Variants in SLC2A14 observed in about 807,000 individuals in gnomAD.
The protein encoded by SLC2A14 is solute carrier family 2, facilitated glucose transporter member 14.
In SLC2A14, 13 loss-of-function variants were observed where a neutral mutation model predicts 43.0. The observed-to-expected ratio is 0.30, with a 90% CI of 0.20 to 0.48. The LOEUF is 0.48. Ranked by LOEUF, SLC2A14 falls within the 20% of genes least tolerant of loss-of-function variation. The pLI is 0.99. For missense variants in SLC2A14, 428 were observed against 620.4 expected (o/e 0.69, Z 3.29); for synonymous variants, 190 against 233.8 (o/e 0.81, Z 1.71).
chr12:7,869,628 T>C (rs760962374), intron 2 of SLC2A14, among the ~76,000 whole-genome samples: 25 of 152,308 alleles, frequency 1.6e-4, no homozygotes, highest in Middle Eastern at 3.4e-3. Flanking sequence ...TCATTCGTCT[T>C]GTTCTTGATA....
intron 2 of SLC2A14, among the ~76,000 whole-genome samples, chr12:7,834,010 G>C (rs1865242670): frequency 6.6e-6 from 1 of 151,498 alleles, no homozygotes; most frequent in Non-Finnish European, 1.5e-5. Flanking sequence ...AGACAGGGTA[G>C]ACCACAGGCT....
At chr12:7,834,814 G>A (rs925374782) in intron 2 of SLC2A14, among the ~76,000 whole-genome samples, 12 of 152,162 alleles carry the variant, frequency 7.9e-5, no homozygotes, top group Admixed American at 6.6e-5. Context: ...GTTCTGCACT[G>A]GGCTGGCCCC....
intron 2 of SLC2A14, among the ~76,000 whole-genome samples, chr12:7,850,481 C>T (rs1329500746): frequency 1.3e-5 from 2 of 151,238 alleles, no homozygotes; most frequent in African/African-American, 2.4e-5. Context: ...CTGCAACATC[C>T]GTCTCCTGGG....
intron 7 of SLC2A14, among the ~76,000 whole-genome samples, chr12:7,826,257 T>C (rs1864352272): frequency 6.6e-6 from 1 of 150,808 alleles, no homozygotes; most frequent in African/African-American, 2.4e-5. Flanking sequence ...GGTCATGCTA[T>C]ATTGCCCAGG....
At chr12:7,852,053 A>AG (rs1866978338) in intron 2 of SLC2A14, among the ~76,000 whole-genome samples, 1 of 152,152 alleles carries the variant, frequency 6.6e-6, no homozygotes, top group Non-Finnish European at 1.5e-5. Flanking sequence ...ATGTCTCACT[A>AG]GGGGTCCTAA....
At chr12:7,830,163 T>A (rs1323163897) in intron 4 of SLC2A14, among the ~76,000 whole-genome samples, 157 bp from the exon 5 acceptor site, 1 of 151,736 alleles carries the variant, frequency 6.6e-6, no homozygotes, top group Non-Finnish European at 1.5e-5. Flanking sequence ...CTTTCTTTTT[T>A]TTTTTTTGAG....
intron 2 of SLC2A14, among the ~76,000 whole-genome samples, chr12:7,847,740 T>G (rs7965203): frequency 0.5 from 75,389 of 151,802 alleles, 18,708 homozygotes; most frequent in Middle Eastern, 0.62. Context: ...TATGGGGATG[T>G]CATCATCATA....
At chr12:7,880,494 T>A (rs1053034402) in intron 1 of SLC2A14, among the ~76,000 whole-genome samples, 1 of 149,982 alleles carries the variant, frequency 6.7e-6, no homozygotes, top group Non-Finnish European at 1.5e-5. Context: ...AAAATACTGA[T>A]TAATCAATAT....
In SLC2A14 at chr12:7,872,819, G is replaced by A; in HGVS notation, c.-70C>T. On this transcript the variant is annotated 5_prime_UTR_variant, in exon 1 of 11. Transcript: ENST00000431042. Reference sequence around the variant, plus strand: ...GCGGCGCACCCACCTCCCAGACCCCGCGACTGCGGTTGGGCCCCGCGGCTT... The same window carrying A: ...GCGGCGCACCCACCTCCCAGACCCCACGACTGCGGTTGGGCCCCGCGGCTT... 2.0e-6 allele frequency: 2 copies of A among 985,534 alleles called. No homozygotes were observed. The highest frequency in any genetic ancestry group is 2.4e-6 in the Non-Finnish European group (2 of 830,072). The allele number at this position is 985,534 out of a possible 1,614,324, so 61.0% of individuals were successfully genotyped here. A position where few individuals can be genotyped will look rare whatever the true frequency, so the allele number is the denominator to read the frequency against.
At chr12:7,857,992 G>A (rs969482831) in intron 2 of SLC2A14, among the ~76,000 whole-genome samples, 1 of 152,026 alleles carries the variant, frequency 6.6e-6, no homozygotes, top group Non-Finnish European at 1.5e-5. Flanking sequence ...AATTAGCCTG[G>A]TGTGGTGGCT....
chr12:7,863,228 C>A (rs117102396), intron 2 of SLC2A14: 1 of 338,868 alleles, frequency 3.0e-6, no homozygotes, highest in East Asian at 9.9e-5. Context: ...TTAAGAGCTG[C>A]GACACTCACG....
At chr12:7,832,252 T>C (rs1865104232) in intron 3 of SLC2A14, among the ~76,000 whole-genome samples, 1 of 152,180 alleles carries the variant, frequency 6.6e-6, no homozygotes, top group African/African-American at 2.4e-5. Flanking sequence ...TCATTTGTCC[T>C]GAATATCCCA....
intron 7 of SLC2A14, among the ~76,000 whole-genome samples, chr12:7,821,528 T>C (rs1168639818): frequency 6.6e-6 from 1 of 151,856 alleles, no homozygotes; most frequent in Non-Finnish European, 1.5e-5. Context: ...ACTAAAAATA[T>C]AAAAATTAGC....
At chr12:7,873,028 G>C (rs1945327308), upstream of SLC2A14, 2 of 985,662 alleles carry the variant, frequency 2.0e-6, no homozygotes, top group African/African-American at 3.5e-5. Flanking sequence ...CCTGCGGTCA[G>C]AGCAGGGGTC....
At chr12:7,863,447 A>G (rs1325933669) in intron 2 of SLC2A14, 1 of 453,450 alleles carries the variant, frequency 2.2e-6, no homozygotes, top group Non-Finnish European at 4.4e-6. Context: ...CACCATTGTG[A>G]AACTCCATCT....
At chr12:7,827,092 T>TTTCC (rs758333813) in intron 7 of SLC2A14, among the ~76,000 whole-genome samples, 99 of 118,910 alleles carry the variant, frequency 8.3e-4, no homozygotes, top group Non-Finnish European at 1.5e-3. Flanking sequence ...TCTTTCTTTC[T>TTTCC]TTCTCTTTCT....
At chr12:7,881,701 C>T (rs1001725515) in intron 1 of SLC2A14, among the ~76,000 whole-genome samples, 4 of 152,168 alleles carry the variant, frequency 2.6e-5, no homozygotes, top group Non-Finnish European at 5.9e-5. Flanking sequence ...ACCTCCAGCC[C>T]CAGTGCAAGA....
chr12:7,870,049 G>A (rs1421822739), intron 1 of SLC2A14, 112 bp from the exon 2 acceptor site: 1 of 534,566 alleles, frequency 1.9e-6, no homozygotes, highest in Non-Finnish European at 3.2e-6. Context: ...AATACTTCTG[G>A]AAGAAAAGTG....
intron 1 of SLC2A14, among the ~76,000 whole-genome samples, chr12:7,882,045 C>G (rs755228846): frequency 1.4e-4 from 22 of 152,018 alleles, no homozygotes; most frequent in Non-Finnish European, 2.4e-4. Context: ...GCAGGCTGCC[C>G]GGGCCAGCAG....
Sources: allele counts gnomAD v4.1 joint callset (sites outside exome capture counted in the v4.1 genomes callset), GRCh38; gene constraint gnomAD v4.1.1; transcripts MANE v1.5; gene names NCBI Gene and HGNC (gene_info 2026-07-23, HGNC 2026-07-21).